Variants in MALRD1 observed in about 807,000 individuals in gnomAD.
MALRD1 encodes the protein MAM and LDL receptor class A domain containing 1, also known as MAM and LDL-receptor class A domain-containing protein 1.
A neutral mutation model predicts 242.1 loss-of-function variants in MALRD1; 247 were observed. The observed-to-expected ratio is 1.02, with a 90% CI of 0.92 to 1.13. The LOEUF is 1.13. Among genes scored for constraint, MALRD1 ranks in the 50% most tolerant of loss-of-function variants. The probability of loss-of-function intolerance (pLI) is 0.00; values close to 1 mark genes in which losing one functional copy is unlikely to be tolerated. For missense variants in MALRD1, 2,989 were observed against 2,533.1 expected (o/e 1.18, Z -3.86); for synonymous variants, 995 against 866.6 (o/e 1.15, Z -2.60).
chr10:19,441,116 A>G lies in MALRD1; in HGVS notation c.4846-9191A>G, dbSNP rs549352590. Among the ~76,000 whole-genome samples, 280 of 152,098 alleles carry G rather than the reference A, an allele frequency of 1.8e-3. 1 individual carries two copies. Among genetic ancestry groups the G allele is most frequent in the African/African-American group, 6.0e-3 (250 of 41,498 alleles). On this transcript the variant is annotated intron_variant, in intron 28 of 39. Transcript: ENST00000454679. ...CCAGTGATGATGAGCATTTTTTCATATGTCTGTTGGCTGCATAAATGTCTT... is the reference window on the plus strand; with the variant it reads ...CCAGTGATGATGAGCATTTTTTCATGTGTCTGTTGGCTGCATAAATGTCTT...
chr10:19,081,448 G>T (rs1835488194), intron 2 of MALRD1, among the ~76,000 whole-genome samples: 1 of 152,078 alleles, frequency 6.6e-6, no homozygotes, highest in Admixed American at 6.6e-5. Context: ...AAAGGAATGA[G>T]ATCATGTCCT....
At chr10:19,390,326 A>G (rs997254710) in intron 28 of MALRD1, among the ~76,000 whole-genome samples, 2 of 152,236 alleles carry the variant, frequency 1.3e-5, no homozygotes, top group Non-Finnish European at 2.9e-5. Flanking sequence ...GGTTCTAAGC[A>G]CACTGTGCAA....
At chr10:19,554,628 G>T (rs1265270856) in intron 32 of MALRD1, among the ~76,000 whole-genome samples, 1 of 152,092 alleles carries the variant, frequency 6.6e-6, no homozygotes, top group African/African-American at 2.4e-5. Context: ...CCACTTATGA[G>T]TGAGAACATG....
chr10:19,666,976 G>A (rs1841707466), intron 36 of MALRD1, among the ~76,000 whole-genome samples: 1 of 151,994 alleles, frequency 6.6e-6, no homozygotes. Context: ...AGACACCCTA[G>A]GAGGCCCAGG....
chr10:19,307,316 A>G (rs1361580926), intron 21 of MALRD1, among the ~76,000 whole-genome samples: 1 of 151,478 alleles, frequency 6.6e-6, no homozygotes, highest in Non-Finnish European at 1.5e-5. Context: ...TCTGCCTGAC[A>G]CTACTGCCTT....
chr10:19,263,267 TAA>T (rs1426198315), intron 19 of MALRD1, among the ~76,000 whole-genome samples: 1 of 152,218 alleles, frequency 6.6e-6, no homozygotes, highest in Non-Finnish European at 1.5e-5. Flanking sequence ...CCAACGGGTA[TAA>T]GTGTTCCCCT....
At chr10:19,603,019 C>T (rs568802977) in intron 34 of MALRD1, among the ~76,000 whole-genome samples, 1 of 152,256 alleles carries the variant, frequency 6.6e-6, no homozygotes, top group Admixed American at 6.5e-5. Context: ...CATTCATATC[C>T]TTTGCCCACC....
intron 34 of MALRD1, among the ~76,000 whole-genome samples, chr10:19,602,666 G>C (rs1161324077): frequency 6.6e-6 from 1 of 152,060 alleles, no homozygotes; most frequent in Non-Finnish European, 1.5e-5. Context: ...ACGTGTGCTT[G>C]TGTCTCTATA....
At chr10:19,524,382 C>T (rs1014335035) in intron 31 of MALRD1, among the ~76,000 whole-genome samples, 3 of 151,874 alleles carry the variant, frequency 2.0e-5, no homozygotes, top group African/African-American at 4.8e-5. Flanking sequence ...GAGGCTGAGG[C>T]ACGAGAATCA....
intron 21 of MALRD1, among the ~76,000 whole-genome samples, chr10:19,291,726 T>C (rs1442004913): frequency 6.6e-6 from 1 of 151,888 alleles, no homozygotes; most frequent in Admixed American, 6.6e-5. Context: ...TCTCTAAATG[T>C]AATAACTAAT....
intron 28 of MALRD1, among the ~76,000 whole-genome samples, chr10:19,446,853 A>G (rs188192057): frequency 3.9e-5 from 6 of 152,258 alleles, no homozygotes; most frequent in Admixed American, 2.6e-4. Context: ...TAAAATCTGT[A>G]TATATACAAG....
intron 13 of MALRD1, among the ~76,000 whole-genome samples, chr10:19,171,056 T>C (rs1834900175): frequency 6.6e-6 from 1 of 152,094 alleles, no homozygotes; most frequent in African/African-American, 2.4e-5. Flanking sequence ...TCTATGTTAA[T>C]TGCGTATTTG....
intron 21 of MALRD1, among the ~76,000 whole-genome samples, chr10:19,310,062 C>T (rs1842362849): frequency 6.6e-6 from 1 of 151,436 alleles, no homozygotes; most frequent in Non-Finnish European, 1.5e-5. Flanking sequence ...TTTCCTCTCA[C>T]TTTCCAATCT....
intron 28 of MALRD1, among the ~76,000 whole-genome samples, chr10:19,446,269 C>T (rs1220242155): frequency 1.3e-5 from 2 of 152,142 alleles, no homozygotes; most frequent in African/African-American, 2.4e-5. Flanking sequence ...CTTCAGCTTA[C>T]ACTCTGTGGG....
At chr10:19,511,263 A>C (rs547510540) in intron 31 of MALRD1, among the ~76,000 whole-genome samples, 1 of 152,150 alleles carries the variant, frequency 6.6e-6, no homozygotes. Flanking sequence ...TAAAATGCCT[A>C]ACCCACATTG....
intron 33 of MALRD1, among the ~76,000 whole-genome samples, chr10:19,584,314 G>C (rs1383175932): frequency 6.6e-6 from 1 of 152,122 alleles, no homozygotes; most frequent in Non-Finnish European, 1.5e-5. Context: ...TAATTGTGAT[G>C]TTAGGATGTC....
chr10:19,416,361 C>T (rs1361987083), intron 28 of MALRD1, among the ~76,000 whole-genome samples: 2 of 152,054 alleles, frequency 1.3e-5, no homozygotes, highest in Admixed American at 6.6e-5. Context: ...AAGGGACTAC[C>T]GAAGAGCACC....
intron 36 of MALRD1, among the ~76,000 whole-genome samples, chr10:19,683,940 C>G (rs560996683): frequency 6.6e-6 from 1 of 152,028 alleles, no homozygotes; most frequent in Admixed American, 6.6e-5. Flanking sequence ...TCCCTCACCC[C>G]CCAGCAGGCC....
chr10:19,123,004 G>T (rs202193725), intron 5 of MALRD1, among the ~76,000 whole-genome samples: 1 of 152,106 alleles, frequency 6.6e-6, no homozygotes, highest in East Asian at 1.9e-4. Context: ...GCCCATGCCT[G>T]GGATTACAGG....
Sources: allele counts gnomAD v4.1 joint callset (sites outside exome capture counted in the v4.1 genomes callset), GRCh38; gene constraint gnomAD v4.1.1; transcripts MANE v1.5; gene names NCBI Gene and HGNC (gene_info 2026-07-23, HGNC 2026-07-21).